LINGO2: variants seen among roughly 807,000 people sequenced by gnomAD.
LINGO2 encodes leucine rich repeat and Ig domain containing 2, also known as leucine-rich repeat and immunoglobulin-like domain-containing nogo receptor-interacting protein 2.
In LINGO2, 14 loss-of-function variants were observed where a neutral mutation model predicts 30.6. That is an observed-to-expected ratio of 0.46 (90% CI 0.30 to 0.72). LINGO2 has a LOEUF of 0.72. Ranked by LOEUF, LINGO2 falls within the 30% of genes least tolerant of loss-of-function variation. LINGO2 has a pLI of 0.07. For synonymous variants in LINGO2, 317 were observed against 288.5 expected (o/e 1.10, Z -1.00); for missense variants, 729 against 751.7 (o/e 0.97, Z 0.35).
the LINGO2 span, among the ~76,000 whole-genome samples, chr9:28,756,564 C>G: frequency 6.6e-6 from 1 of 151,810 alleles, no homozygotes; most frequent in Non-Finnish European, 1.5e-5. Context: ...TTGTTTGGCT[C>G]GGTGTCCCAA....
intron 1 of LINGO2, among the ~76,000 whole-genome samples, chr9:28,555,433 C>T (rs1564288926): frequency 6.6e-6 from 1 of 151,362 alleles, no homozygotes; most frequent in African/African-American, 2.4e-5. Flanking sequence ...TACACTCTCC[C>T]AAGACTAAAC....
chr9:29,055,409 C>A, the LINGO2 span, among the ~76,000 whole-genome samples: 1 of 152,126 alleles, frequency 6.6e-6, no homozygotes, highest in Non-Finnish European at 1.5e-5. Flanking sequence ...GAATAATATT[C>A]CACTCCGTGC....
chr9:28,586,092 T>A (rs190034681), intron 1 of LINGO2, among the ~76,000 whole-genome samples: 23 of 152,092 alleles, frequency 1.5e-4, no homozygotes, highest in Admixed American at 5.9e-4. Context: ...CATGATAAAG[T>A]CTGTTTTAGA....
the LINGO2 span, among the ~76,000 whole-genome samples, chr9:28,867,193 G>A: frequency 6.6e-6 from 1 of 152,092 alleles, no homozygotes; most frequent in African/African-American, 2.4e-5. Flanking sequence ...TCAGAAGGAA[G>A]CCTGCATCCT....
chr9:28,648,086 C>T (rs1588021834), intron 1 of LINGO2, among the ~76,000 whole-genome samples: 2 of 151,876 alleles, frequency 1.3e-5, no homozygotes, highest in African/African-American at 2.4e-5. Context: ...ATTCATAAAG[C>T]ACATAATGAT....
At chr9:27,958,610 T>C (rs564979846) in intron 5 of LINGO2, among the ~76,000 whole-genome samples, 88 of 152,250 alleles carry the variant, frequency 5.8e-4, no homozygotes, top group African/African-American at 2.1e-3. Flanking sequence ...TTGTCCTATT[T>C]TATTAGCAAT....
chr9:28,936,838 A>G, the LINGO2 span, among the ~76,000 whole-genome samples: 1 of 152,144 alleles, frequency 6.6e-6, no homozygotes, highest in Non-Finnish European at 1.5e-5. Context: ...GGCTTAAGCA[A>G]AAATTTATTT....
the LINGO2 span, among the ~76,000 whole-genome samples, chr9:29,192,672 G>T: frequency 3.3e-5 from 5 of 152,138 alleles, no homozygotes; most frequent in East Asian, 3.9e-4. Context: ...TCTCAATTCG[G>T]CCAAGCAGAG....
chr9:28,099,179 G>A (rs924785293), intron 4 of LINGO2, among the ~76,000 whole-genome samples: 33 of 151,572 alleles, frequency 2.2e-4, no homozygotes, highest in African/African-American at 7.3e-4. Context: ...TTTTTTTTTG[G>A]TATCTTTCAT....
intron 4 of LINGO2, among the ~76,000 whole-genome samples, chr9:28,284,555 T>C (rs1011505497): frequency 1.2e-4 from 18 of 152,168 alleles, no homozygotes; most frequent in Admixed American, 7.9e-4. Flanking sequence ...TCTTTCAAAA[T>C]TAATGACAGT....
intron 3 of LINGO2, among the ~76,000 whole-genome samples, chr9:28,344,056 A>G (rs1819468721): frequency 6.6e-6 from 1 of 152,124 alleles, no homozygotes; most frequent in Non-Finnish European, 1.5e-5. Flanking sequence ...CAGCTCTGCA[A>G]ACTACTGGGC....
chr9:29,183,643 A>G, the LINGO2 span, among the ~76,000 whole-genome samples: 1 of 152,156 alleles, frequency 6.6e-6, no homozygotes, highest in Non-Finnish European at 1.5e-5. Context: ...ACCAGTAGGC[A>G]CTCAGTGACA....
At chr9:28,811,975 C>T in the LINGO2 span, among the ~76,000 whole-genome samples, 1 of 151,992 alleles carries the variant, frequency 6.6e-6, no homozygotes, top group Admixed American at 6.6e-5. Context: ...AATAAGTAAA[C>T]TCTATTTTCT....
chr9:28,936,650 T>C, the LINGO2 span, among the ~76,000 whole-genome samples: 2 of 152,206 alleles, frequency 1.3e-5, no homozygotes, highest in African/African-American at 4.8e-5. Flanking sequence ...AAAATTGTGT[T>C]AATAATTAGT....
At chr9:29,012,944 A>G in the LINGO2 span, among the ~76,000 whole-genome samples, 8 of 152,190 alleles carry the variant, frequency 5.3e-5, no homozygotes, top group Admixed American at 1.3e-4. Context: ...CCTAGATAAA[A>G]TCTCCACAGT....
chr9:28,806,549 A>C, the LINGO2 span, among the ~76,000 whole-genome samples: 2 of 152,300 alleles, frequency 1.3e-5, no homozygotes, highest in South Asian at 4.1e-4. Flanking sequence ...CTCCTATAAT[A>C]GAATGAATGC....
chr9:28,642,061 A>ATG (rs1217653123), intron 1 of LINGO2, among the ~76,000 whole-genome samples: 4 of 129,084 alleles, frequency 3.1e-5, no homozygotes, highest in Admixed American at 8.5e-5. Context: ...TAAATGTTAT[A>ATG]TATGTGTGTG....
exon 6 of LINGO2, chr9:27,950,108 G>A: frequency 6.2e-7 from 1 of 1,614,046 alleles, no homozygotes; most frequent in Middle Eastern, 1.6e-4. Context: ...CTGCTGTTAA[G>A]TTGCATTTCT....
chr9:28,330,372 G>A (rs1304428114), intron 3 of LINGO2, among the ~76,000 whole-genome samples: 1 of 152,100 alleles, frequency 6.6e-6, no homozygotes, highest in Non-Finnish European at 1.5e-5. Context: ...AAAATTAAGC[G>A]TAAAGTACAG....
Sources: allele counts gnomAD v4.1 joint callset (sites outside exome capture counted in the v4.1 genomes callset), GRCh38; gene constraint gnomAD v4.1.1; transcripts MANE v1.5; gene names NCBI Gene and HGNC (gene_info 2026-07-23, HGNC 2026-07-21).